Variants in CACNB2 observed in about 807,000 individuals in gnomAD.
The protein encoded by CACNB2 is calcium voltage-gated channel auxiliary subunit beta 2, also known as voltage-dependent L-type calcium channel subunit beta-2.
CACNB2 carries 42 observed loss-of-function variants against 73.3 expected under a neutral mutation model. The ratio of observed to expected loss-of-function variants is 0.57; its 90% confidence interval spans 0.45 to 0.74. The LOEUF is 0.74. Among genes scored for constraint, CACNB2 ranks in the 30% least tolerant of loss-of-function variants. The pLI, the probability that CACNB2 is intolerant of heterozygous loss-of-function variation, is 0.00. For synonymous variants in CACNB2, 348 were observed against 310.3 expected, an observed-to-expected ratio of 1.12 and a Z score of -1.28; for missense variants, 940 against 853.0, an observed-to-expected ratio of 1.10 and a Z score of -1.27.
chr10:18,310,627 AAG>A (rs2131884023), intron 2 of CACNB2, among the ~76,000 whole-genome samples: 3 of 145,610 alleles, frequency 2.1e-5, no homozygotes, highest in African/African-American at 2.6e-5. Flanking sequence ...AAAAAAAAAA[AAG>A]TAAAAAAAAA....
At chr10:18,442,972 G>GTATATATATATATGTATATATA (rs2046521784) in intron 3 of CACNB2, among the ~76,000 whole-genome samples, 1 of 13,532 alleles carries the variant, frequency 7.4e-5, no homozygotes, top group African/African-American at 5.5e-4. Context: ...ATATATATGT[G>GTATATATATATATGTATATATA]TATATATATA....
intron 2 of CACNB2, among the ~76,000 whole-genome samples, chr10:18,335,671 G>C (rs774091073): frequency 9.2e-5 from 14 of 151,914 alleles, no homozygotes; most frequent in Non-Finnish European, 1.6e-4. Context: ...TCTTAGGTCT[G>C]TTTCTCACTG....
intron 2 of CACNB2, among the ~76,000 whole-genome samples, chr10:18,222,312 T>G (rs1298279279): frequency 6.6e-6 from 1 of 152,134 alleles, no homozygotes. Context: ...ATGGGGAATC[T>G]GCAGAGGAAA....
Position 18,259,570 on chromosome 10 carries a change from A to AAAAAAAGAAAAC in CACNB2, c.213+108600_213+108601insAGAAAACAAAAA, listed in dbSNP as rs1554779378. Among the ~76,000 whole-genome samples the AAAAAAAGAAAAC allele has an allele frequency of 2.6e-5, 3 of 116,954 alleles. 1 individual carries two copies. The highest frequency in any genetic ancestry group is 5.3e-5 in the Non-Finnish European group (3 of 56,452). The allele number at this position is 116,954 out of a possible 152,430, so 76.7% of individuals were successfully genotyped here. A position where few individuals can be genotyped will look rare whatever the true frequency, so the allele number is the denominator to read the frequency against. On this transcript the variant is annotated intron_variant, in intron 2 of 13. Coordinates refer to ENST00000324631, the MANE Select transcript of CACNB2 (RefSeq NM_201596.3). ...AAAAAAAACAAAAAACAAACAAAAA[A>AAAAAAAGAAAAC]AAAAAGTAAAAGTAGCCAGGCATGG... is the stretch of plus-strand genomic sequence containing the variant.
At chr10:18,506,729 G>T (rs1244663723) in intron 6 of CACNB2, among the ~76,000 whole-genome samples, 182 bp downstream of exon 6, 1 of 152,162 alleles carries the variant, frequency 6.6e-6, no homozygotes, top group East Asian at 1.9e-4. Context: ...TTTTTTTCTG[G>T]CTGGAAAAAG....
At chr10:18,420,325 A>G (rs1319381432) in intron 3 of CACNB2, among the ~76,000 whole-genome samples, 1 of 131,000 alleles carries the variant, frequency 7.6e-6, no homozygotes, top group East Asian at 2.2e-4. Context: ...ACACACACAC[A>G]CACACAGAGA....
rs779536902 is a variant in CACNB2, at chr10:18,536,161, A to T, written c.1267A>T (p.Met423Leu). Residue 423 changes from methionine to leucine, a missense_variant, in exon 12 of 14, where the codon ATG becomes TTG. Coordinates refer to ENST00000324631, the MANE Select transcript of CACNB2 (RefSeq NM_201596.3). ...TCAAGCTAAACACCTCAACGTCCAG[A>T]TGGTAGCAGCTGATAAACTGGCTCA... is the stretch of plus-strand genomic sequence containing the variant. Reference protein sequence around the residue: ...KSQAKHLNVQMVAADKLAQCP... With the variant: ...KSQAKHLNVQLVAADKLAQCP... The T allele has an allele frequency of 4.4e-5, 70 of 1,584,924 alleles. No homozygotes were observed. The highest frequency in any genetic ancestry group is 6.0e-5 in the Non-Finnish European group (70 of 1,162,338).
chr10:18,207,104 G>A (rs1588700111), intron 2 of CACNB2, among the ~76,000 whole-genome samples: 3 of 152,152 alleles, frequency 2.0e-5, no homozygotes, highest in African/African-American at 7.2e-5. Context: ...TACCTCCCGG[G>A]TTCAAGTGAT....
At chr10:18,358,209 C>G (rs1303298421) in intron 2 of CACNB2, among the ~76,000 whole-genome samples, 1 of 152,134 alleles carries the variant, frequency 6.6e-6, no homozygotes, top group Non-Finnish European at 1.5e-5. Context: ...GCCTCAGGCT[C>G]CTGAGGAGCT....
At chr10:18,260,391 G>C (rs150523331) in intron 2 of CACNB2, 27 of 974,550 alleles carry the variant, frequency 2.8e-5, no homozygotes, top group Non-Finnish European at 3.2e-5. Context: ...GATCAAATTC[G>C]CCTTCCAGAG....
At chr10:18,323,636 C>T (rs1425955297) in intron 2 of CACNB2, among the ~76,000 whole-genome samples, 1 of 152,102 alleles carries the variant, frequency 6.6e-6, no homozygotes, top group African/African-American at 2.4e-5. Context: ...AGATTATTCT[C>T]CCCAGAATGG....
intron 2 of CACNB2, among the ~76,000 whole-genome samples, chr10:18,235,968 T>C (rs1289796712): frequency 1.3e-5 from 2 of 152,090 alleles, no homozygotes; most frequent in Non-Finnish European, 2.9e-5. Context: ...GAGTGGCACC[T>C]CCCCTTAAAC....
intron 2 of CACNB2, among the ~76,000 whole-genome samples, chr10:18,246,405 TA>T (rs200693655): frequency 6.0e-5 from 9 of 151,142 alleles, no homozygotes; most frequent in African/African-American, 1.5e-4. Flanking sequence ...CTCTTTCTTT[TA>T]AAAAAAAACA....
intron 2 of CACNB2, among the ~76,000 whole-genome samples, chr10:18,257,657 C>A (rs1012471514): frequency 6.6e-6 from 1 of 152,194 alleles, no homozygotes; most frequent in African/African-American, 2.4e-5. Context: ...CCCAAGTGTC[C>A]TCATCTTTGT....
chr10:18,405,879 C>T lies in CACNB2; in HGVS notation c.333+3836C>T, dbSNP rs140474236. Among the ~76,000 whole-genome samples the T allele has an allele frequency of 5.4e-3, 817 of 152,118 alleles. 5 individuals are homozygous for T. The highest frequency in any genetic ancestry group is 0.014 in the South Asian group (66 of 4,818). The stretch of plus-strand genomic sequence containing the variant: ...AGGCTGAGGCAGGAGAATCACTTGA[C>T]GCTGGGAGGGAAAGGTTGCAGTGAG... On this transcript the variant is annotated intron_variant, in intron 3 of 13. Transcript: ENST00000324631.
intron 2 of CACNB2, among the ~76,000 whole-genome samples, chr10:18,297,314 G>T (rs1247717321): frequency 6.6e-6 from 1 of 152,214 alleles, no homozygotes; most frequent in African/African-American, 2.4e-5. Flanking sequence ...GGAGGCCAAG[G>T]TAGGGGATCA....
At chr10:18,164,025 G>T (rs948468729) in intron 2 of CACNB2, among the ~76,000 whole-genome samples, 5 of 152,204 alleles carry the variant, frequency 3.3e-5, no homozygotes, top group African/African-American at 1.2e-4. Context: ...CAAAGGGCAG[G>T]ACTAAATCAG....
chr10:18,237,183 C>G (rs1588798662), intron 2 of CACNB2, among the ~76,000 whole-genome samples: 2 of 152,256 alleles, frequency 1.3e-5, no homozygotes, highest in East Asian at 1.9e-4. Flanking sequence ...AGGTGGTGTT[C>G]TGGGTTGAAT....
At chr10:18,514,756 T>C (rs2051111547) in intron 7 of CACNB2, among the ~76,000 whole-genome samples, 1 of 152,226 alleles carries the variant, frequency 6.6e-6, no homozygotes. Context: ...CAAGGGAATT[T>C]GTTTCAACAT....
Sources: allele counts gnomAD v4.1 joint callset (sites outside exome capture counted in the v4.1 genomes callset), GRCh38; gene constraint gnomAD v4.1.1; transcripts MANE v1.5; gene names NCBI Gene and HGNC (gene_info 2026-07-23, HGNC 2026-07-21).